Variants in MTMR4 observed in about 807,000 individuals in gnomAD.
MTMR4 encodes myotubularin related protein 4.
MTMR4 carries 30 observed loss-of-function variants against 125.5 expected under a neutral mutation model. The ratio of observed to expected loss-of-function variants is 0.24; its 90% CI spans 0.18 to 0.32. The LOEUF (loss-of-function observed/expected upper bound fraction) is 0.32, where lower values mean the gene tolerates loss of function less well. MTMR4 is among the 10% of genes least tolerant of loss of function. MTMR4 has a pLI of 1.00. For missense variants in MTMR4, 1,039 were observed against 1,511.5 expected, an observed-to-expected ratio of 0.69 and a Z score of 5.18; for synonymous variants, 498 against 564.5, an observed-to-expected ratio of 0.88 and a Z score of 1.67.
intron 14 of MTMR4, among the ~76,000 whole-genome samples, chr17:58,501,754 A>G (rs1975640435): frequency 6.6e-6 from 1 of 151,930 alleles, no homozygotes; most frequent in Non-Finnish European, 1.5e-5. Context: ...AAATGCAAAA[A>G]TATGCATACA....
At chr17:58,507,059 T>C (rs1975796103) in intron 8 of MTMR4, 64 bp downstream of exon 8, 5 of 1,598,038 alleles carry the variant, frequency 3.1e-6, no homozygotes, top group Admixed American at 1.7e-5. Context: ...GGGGACTCCC[T>C]GGGAGCCAAT....
Position 58,505,442 on chromosome 17 carries a change from C to T in MTMR4, c.1145+30G>A, listed in dbSNP as rs372609717. The T allele has an allele frequency of 3.2e-6, 5 of 1,542,516 alleles. No homozygotes were observed. In the African/African-American group the frequency reaches 5.5e-5, roughly 17 times the overall value. On this transcript the variant is annotated intron_variant, in intron 10 of 17. Transcript: ENST00000682306. ...AAGAGGTACTGGGTAAGGAATGAGA[C>T]TGGAAGGAATCCAAGTAGGGAACAC...
intron 14 of MTMR4, among the ~76,000 whole-genome samples, chr17:58,500,838 A>G (rs1975605848): frequency 6.6e-6 from 1 of 152,064 alleles, no homozygotes; most frequent in African/African-American, 2.4e-5. Flanking sequence ...AGTAGAACCA[A>G]TATCTTCTAT....
At chr17:58,511,583 G>A (rs1362752273) in intron 3 of MTMR4, 72 bp from the exon 4 acceptor site, 3 of 1,278,404 alleles carry the variant, frequency 2.3e-6, no homozygotes, top group African/African-American at 1.5e-5. Context: ...CCTAGCGTAG[G>A]CACTAATGTA....
At chr17:58,510,049 G>A (rs1371392874) in intron 4 of MTMR4, among the ~76,000 whole-genome samples, 1 of 152,120 alleles carries the variant, frequency 6.6e-6, no homozygotes, top group Non-Finnish European at 1.5e-5. Flanking sequence ...CTGGGTAACT[G>A]CAATAGCTTC....
intron 15 of MTMR4, among the ~76,000 whole-genome samples, chr17:58,493,436 T>C (rs1395794309): frequency 6.6e-6 from 1 of 152,254 alleles, no homozygotes; most frequent in Non-Finnish European, 1.5e-5. Context: ...CGCTGTAGCC[T>C]CAACATCCTG....
intron 15 of MTMR4, 85 bp downstream of exon 15, chr17:58,494,847 A>G: frequency 7.7e-7 from 1 of 1,296,282 alleles, no homozygotes; most frequent in Non-Finnish European, 1.1e-6. Flanking sequence ...GCACACAGCA[A>G]GTACCCAACG....
intron 7 of MTMR4, chr17:58,507,932 C>G (rs1437846808): frequency 2.3e-6 from 1 of 444,430 alleles, no homozygotes; most frequent in African/African-American, 2.0e-5. Context: ...CACACACACA[C>G]ACACACACAC....
chr17:58,513,168 A>G (rs1975980009), intron 1 of MTMR4, among the ~76,000 whole-genome samples: 1 of 152,178 alleles, frequency 6.6e-6, no homozygotes, highest in East Asian at 1.9e-4. Flanking sequence ...CCCCAGGAGG[A>G]ATTGGGAATC....
chr17:58,509,126 G>T (rs1490453082), intron 4 of MTMR4, among the ~76,000 whole-genome samples: 1 of 152,046 alleles, frequency 6.6e-6, no homozygotes, highest in Non-Finnish European at 1.5e-5. Context: ...ATGCTACCAT[G>T]TGGCCCTGAA....
chr17:58,517,654 C>A (rs1375037399), upstream of MTMR4, among the ~76,000 whole-genome samples: 5 of 152,246 alleles, frequency 3.3e-5, no homozygotes, highest in African/African-American at 1.2e-4. Flanking sequence ...GGCAGGGGAG[C>A]CCAGGTGCCC....
In MTMR4 at chr17:58,504,671, A is replaced by G; in HGVS notation, c.1341+108T>C. ...GAGTTGGAAAAAAAAAGAAAAAAAG[A>G]GCCACCAATGTCCTCTACTGAAAGA... On this transcript the variant is annotated intron_variant, in intron 11 of 17. Transcript: ENST00000682306. This position sits in a 1 kb window ranked among gnomAD's most constrained non-coding sequence, Gnocchi z 7.1. 4 of 1,392,060 alleles carry G rather than the reference A, an allele frequency of 2.9e-6. No individual in the cohort carries two copies. Among genetic ancestry groups the G allele is most frequent in the Non-Finnish European group, 3.9e-6 (4 of 1,023,666 alleles). The allele number at this position is 1,392,060 out of a possible 1,614,324, so 86.2% of individuals were successfully genotyped here.
intron 15 of MTMR4, among the ~76,000 whole-genome samples, chr17:58,494,566 C>T (rs908525337): frequency 6.6e-6 from 1 of 152,150 alleles, no homozygotes; most frequent in Non-Finnish European, 1.5e-5. Context: ...CATATATACT[C>T]GCATGTCCCA....
In MTMR4 at chr17:58,506,723, C is replaced by T. The variant is rs1180527932; in HGVS notation, c.1033+20G>A. 6.2e-7 allele frequency: 1 copy of T among 1,610,806 alleles called. No homozygotes were observed. The highest frequency in any genetic ancestry group is 8.5e-7 in the Non-Finnish European group (1 of 1,178,126). Reference sequence around the variant, plus strand: ...ACCCAGAGCACAGGCTGGCTGCAGACACTGGGATAACAGCAATACCTTCAC... The same window carrying T: ...ACCCAGAGCACAGGCTGGCTGCAGATACTGGGATAACAGCAATACCTTCAC... On this transcript the variant is annotated intron_variant, in intron 9 of 17. Coordinates refer to ENST00000682306, the MANE Select transcript of MTMR4 (RefSeq NM_001378067.1).
Position 58,492,615 on chromosome 17 carries a change from A to G in MTMR4, c.3364-16T>C. 1 of 1,612,354 alleles carries G rather than the reference A, an allele frequency of 6.2e-7. No homozygotes were observed. The highest frequency in any genetic ancestry group is 8.5e-7 in the Non-Finnish European group (1 of 1,178,664). ...AGCGAGTCACCTAATAGAAGGCACAAAGAAAAATTCCTGGTCCTTGTTGAC... is the reference window on the plus strand; with the variant it reads ...AGCGAGTCACCTAATAGAAGGCACAGAGAAAAATTCCTGGTCCTTGTTGAC... On this transcript the variant is annotated splice_polypyrimidine_tract_variant and intron_variant, in intron 16 of 17. Coordinates refer to ENST00000682306, the MANE Select transcript of MTMR4 (RefSeq NM_001378067.1).
intron 8 of MTMR4, 99 bp downstream of exon 8, chr17:58,507,024 G>T: frequency 6.4e-7 from 1 of 1,566,846 alleles, no homozygotes; most frequent in Non-Finnish European, 8.8e-7. Flanking sequence ...CACCCCGTGT[G>T]TTGTCATCTT....
chr17:58,512,425 G>T lies in MTMR4; in HGVS notation c.217C>A (p.Arg73=). 6.2e-7 allele frequency: 1 copy of T among 1,614,096 alleles called. No homozygotes were observed. Residue 73 remains arginine, a synonymous_variant, in exon 3 of 18, where the codon CGG becomes AGG. Coordinates refer to ENST00000682306, the MANE Select transcript of MTMR4 (RefSeq NM_001378067.1). The surrounding 1 kb of genome is among the most constrained non-coding windows in gnomAD (Gnocchi z 4.1). ...GAGTCCTTGAATTTGATATGCAGCC[G>T]GTAGTTAGAGATGGCAATGAGGGCA... ...ADALIAISNY[R]LHIKFKDSVI...
intron 1 of MTMR4, chr17:58,514,080 G>C (rs1428825533): frequency 6.4e-6 from 1 of 155,228 alleles, no homozygotes; most frequent in African/African-American, 2.4e-5. Context: ...GGAGGTAAAG[G>C]GATGTACCCC....
rs907943934 is a variant in MTMR4 at position 58,514,396 on chromosome 17, G to C, written c.12C>G (p.Thr4=). 2.0e-6 allele frequency: 2 copies of C among 986,702 alleles called. No homozygotes were observed. Among genetic ancestry groups the C allele is most frequent in the African/African-American group, 1.7e-5 (1 of 57,354 alleles). 61.1% of individuals were successfully genotyped at this position (986,702 alleles called of 1,614,324 possible). Residue 4 remains threonine (T), a synonymous_variant, in exon 1 of 18, where the codon ACC becomes ACG. Transcript: ENST00000682306. The part of the protein sequence containing the change: MSL[T]ARVSCSMLSC... Reference sequence around the variant, plus strand: ...TAAGCATGGAGCAGGAGACGCGGGCGGTCAGGCTCATGGTCGCGGGCGGTC... The same window carrying C: ...TAAGCATGGAGCAGGAGACGCGGGCCGTCAGGCTCATGGTCGCGGGCGGTC...
Sources: gnomAD v4.1 joint callset for allele counts (sites outside exome capture counted in the v4.1 genomes callset) on GRCh38, gnomAD v4.1.1 for gene constraint, Gnocchi (gnomAD v3.1) non-coding constraint, MANE v1.5 for transcripts, NCBI Gene and HGNC (gene_info 2026-07-23, HGNC 2026-07-21) for gene names.